Variants in CTDSPL2 observed in about 807,000 individuals in gnomAD.
CTDSPL2 encodes CTD small phosphatase-like protein 2.
A neutral mutation model predicts 60.0 loss-of-function variants in CTDSPL2; 5 were observed. That is an observed-to-expected ratio of 0.08 (90% CI 0.04 to 0.18). The LOEUF (loss-of-function observed/expected upper bound fraction) is 0.18, where lower values mean the gene tolerates loss of function less well. Among genes scored for constraint, CTDSPL2 ranks in the 10% least tolerant of loss-of-function variants. The pLI, the probability that CTDSPL2 is intolerant of heterozygous loss-of-function variation, is 1.00. For synonymous variants in CTDSPL2, 186 were observed against 189.3 expected (o/e 0.98, Z 0.14); for missense variants, 370 against 548.8 (o/e 0.67, Z 3.26).
At chr15:44,431,716 G>GTTTTTTTT (rs886785067) in intron 1 of CTDSPL2, among the ~76,000 whole-genome samples, 9 of 133,634 alleles carry the variant, frequency 6.7e-5, no homozygotes, top group African/African-American at 8.5e-5. Flanking sequence ...TTGTTTGTTT[G>GTTTTTTTT]TTTTTTTTTT....
rs1452037356 is a variant in CTDSPL2, at chr15:44,524,924, T to C, written c.*750T>C. On this transcript the variant is annotated 3_prime_UTR_variant, in exon 13 of 13. Transcript: ENST00000260327. ...GAAATCTTTTCAAAAATCAAGAGAC[T>C]GGGTAGATAAGAATATATGAATGAC... 1 of 153,146 alleles carries C rather than the reference T, an allele frequency of 6.5e-6. No homozygotes were observed. Among genetic ancestry groups the C allele is most frequent in the Non-Finnish European group, 1.5e-5 (1 of 68,426 alleles). The allele number at this position is 153,146 out of a possible 1,614,324, so 9.5% of individuals were successfully genotyped here.
In CTDSPL2 at chr15:44,459,167, A is replaced by C. The variant is rs1303189143; in HGVS notation, c.153A>C (p.Ser51=). 6.2e-6 allele frequency: 10 copies of C among 1,607,448 alleles called. No homozygotes were observed. The South Asian group carries it at 1.0e-4, about 16-fold the overall frequency. The change falls in exon 2 of 13, where the codon TCA becomes TCC. Residue 51 remains serine (S), a synonymous_variant. Coordinates refer to ENST00000260327, the MANE Select transcript of CTDSPL2 (RefSeq NM_016396.3). ...AGAATGAAACCGGCTTGTTGTCTTC[A>C]ATTAAAAAATTTATTAAAGGAAGCA... ...PSKNETGLLS[S]IKKFIKGSTP...
Position 44,521,316 on chromosome 15 carries a change from T to G in CTDSPL2, c.1245T>G (p.Ser415=). 1 of 1,443,722 alleles carries G rather than the reference T, an allele frequency of 6.9e-7. No individual in the cohort carries two copies. The highest frequency in any genetic ancestry group is 9.6e-7 in the Non-Finnish European group (1 of 1,040,602). 89.4% of individuals were successfully genotyped at this position (1,443,722 alleles called of 1,614,324 possible). Residue 415 remains serine, a synonymous_variant, in exon 12 of 13, where the codon TCT becomes TCG. Transcript: ENST00000260327. The part of the protein sequence containing the change: ...NSPQAFAYQL[S]NGIPIESWFM... ...TTACTTATTTATTGTTTTAGCTTTC[T>G]AATGGAATCCCTATAGAAAGTTGGT...
At chr15:44,511,859 C>T (rs919489136) in intron 8 of CTDSPL2, among the ~76,000 whole-genome samples, 5 of 112,140 alleles carry the variant, frequency 4.5e-5, no homozygotes, top group Admixed American at 1.2e-4. Flanking sequence ...CAGAATGAGA[C>T]GGTCTCGCAA....
chr15:44,510,773 T>C (rs1021193812), intron 8 of CTDSPL2, among the ~76,000 whole-genome samples: 4 of 152,232 alleles, frequency 2.6e-5, no homozygotes, highest in Non-Finnish European at 5.9e-5. Flanking sequence ...TTTGGAGGCA[T>C]GTCTATGTGT....
chr15:44,494,680 C>T (rs1288426744), intron 5 of CTDSPL2, among the ~76,000 whole-genome samples: 3 of 151,932 alleles, frequency 2.0e-5, no homozygotes, highest in African/African-American at 4.8e-5. Flanking sequence ...GAGGCCGGGT[C>T]ACCTGATGTG....
intron 8 of CTDSPL2, among the ~76,000 whole-genome samples, chr15:44,510,818 A>G (rs992245356): frequency 6.6e-6 from 1 of 152,228 alleles, no homozygotes; most frequent in African/African-American, 2.4e-5. Context: ...GACCTAACAC[A>G]ATAAAGTAAT....
chr15:44,448,546 T>G (rs994459627), intron 1 of CTDSPL2: 7 of 286,060 alleles, frequency 2.4e-5, no homozygotes, highest in Non-Finnish European at 4.1e-5. Flanking sequence ...CTATCCTAAG[T>G]GTATTACTAA....
intron 1 of CTDSPL2, among the ~76,000 whole-genome samples, chr15:44,444,314 C>G (rs578008731): frequency 2.5e-3 from 365 of 146,464 alleles, no homozygotes; most frequent in Non-Finnish European, 3.8e-3. Context: ...CACACACACA[C>G]ACACACACAC....
At chr15:44,505,621 C>G (rs1001043159) in intron 8 of CTDSPL2, among the ~76,000 whole-genome samples, 1 of 151,638 alleles carries the variant, frequency 6.6e-6, no homozygotes, top group African/African-American at 2.4e-5. Flanking sequence ...GTAATCTCAG[C>G]TACTCGGGAG....
intron 1 of CTDSPL2, 52 bp downstream of exon 1, chr15:44,427,824 C>G: frequency 2.5e-6 from 1 of 397,628 alleles, no homozygotes; most frequent in Non-Finnish European, 4.4e-6. Flanking sequence ...AGTCCTCCTC[C>G]TCTTCCAGGG....
At chr15:44,498,447 C>T (rs1595761294) in intron 7 of CTDSPL2, among the ~76,000 whole-genome samples, 1 of 151,736 alleles carries the variant, frequency 6.6e-6, no homozygotes, top group African/African-American at 2.4e-5. Flanking sequence ...ATGAATGAGC[C>T]TGGTGTTGCA....
intron 2 of CTDSPL2, among the ~76,000 whole-genome samples, chr15:44,467,850 C>T (rs1011146447): frequency 2.6e-5 from 4 of 152,192 alleles, no homozygotes; most frequent in African/African-American, 9.6e-5. Context: ...GCTGGGATTA[C>T]AGGCATGAGC....
intron 2 of CTDSPL2, among the ~76,000 whole-genome samples, chr15:44,463,948 C>G (rs1297796817): frequency 6.6e-6 from 1 of 152,136 alleles, no homozygotes; most frequent in Non-Finnish European, 1.5e-5. Flanking sequence ...ACAATAACAA[C>G]AATAATTATA....
At chr15:44,455,104 C>CCA (rs1302186135) in intron 1 of CTDSPL2, among the ~76,000 whole-genome samples, 3 of 152,240 alleles carry the variant, frequency 2.0e-5, no homozygotes, top group Admixed American at 1.3e-4. Context: ...TTTCATTGAG[C>CCA]AGTGGTTTGT....
intron 1 of CTDSPL2, among the ~76,000 whole-genome samples, chr15:44,456,300 A>C (rs904313715): frequency 6.6e-6 from 1 of 152,154 alleles, no homozygotes; most frequent in Non-Finnish European, 1.5e-5. Flanking sequence ...TGATTGTAAT[A>C]GTTTCAGAAG....
chr15:44,518,057 TTGAG>T (rs2081690172), intron 10 of CTDSPL2, among the ~76,000 whole-genome samples: 1 of 152,208 alleles, frequency 6.6e-6, no homozygotes, highest in South Asian at 2.1e-4. Flanking sequence ...AATTTTAAGG[TTGAG>T]TTTTTATTTG....
rs554319789 is a variant in CTDSPL2, at chr15:44,462,700, C to CTTTTTTTTTTTTTTTTTTTT, written c.186+3505_186+3524dup. ...GACTCTTGAACTAGAACACTCAGGACTTTTTTTTTTTTTTTTTTTTTTTTG... is the reference window on the plus strand; with the variant it reads ...GACTCTTGAACTAGAACACTCAGGACTTTTTTTTTTTTTTTTTTTTTTTTTTTTTTTTTTTTTTTTTTTTG... On this transcript the variant is annotated intron_variant, in intron 2 of 12. Transcript: ENST00000260327. Among the ~76,000 whole-genome samples the CTTTTTTTTTTTTTTTTTTTT allele has an allele frequency of 6.0e-5, 5 of 83,746 alleles. 1 individual carries two copies. Among genetic ancestry groups the CTTTTTTTTTTTTTTTTTTTT allele is most frequent in the East Asian group, 3.2e-4 (1 of 3,090 alleles). 54.9% of individuals were successfully genotyped at this position (83,746 alleles called of 152,430 possible). A position where few individuals can be genotyped will look rare whatever the true frequency, so the allele number is the denominator to read the frequency against.
At chr15:44,452,758 C>G (rs967355698) in intron 1 of CTDSPL2, among the ~76,000 whole-genome samples, 11 of 151,686 alleles carry the variant, frequency 7.3e-5, no homozygotes, top group African/African-American at 2.7e-4. Flanking sequence ...ATTGGCATAC[C>G]TTTGGGGTTT....
Sources: gnomAD v4.1 joint callset for allele counts (sites outside exome capture counted in the v4.1 genomes callset) on GRCh38, gnomAD v4.1.1 for gene constraint, MANE v1.5 for transcripts, NCBI Gene and HGNC (gene_info 2026-07-23, HGNC 2026-07-21) for gene names.